Variants in PFDN1 observed in about 807,000 individuals in gnomAD.
The protein encoded by PFDN1 is prefoldin subunit 1.
In PFDN1, 6 loss-of-function variants were observed where a neutral mutation model predicts 17.3. The ratio of observed to expected loss-of-function variants is 0.35; its 90% CI spans 0.19 to 0.69. The LOEUF (loss-of-function observed/expected upper bound fraction) is 0.69. Among genes scored for constraint, PFDN1 ranks in the 30% least tolerant of loss-of-function variants. The pLI, the probability that PFDN1 is intolerant of heterozygous loss-of-function variation, is 0.65. For missense variants in PFDN1, 113 were observed against 146.2 expected (o/e 0.77, Z 1.17); for synonymous variants, 58 against 50.1 (o/e 1.16, Z -0.67).
At position 140,245,137 on chromosome 5, in the gene PFDN1, G is replaced by A. The variant is rs886070946; in HGVS notation, c.*837C>T. The A allele has an allele frequency of 3.9e-6, 1 of 259,428 alleles. No homozygotes were observed. Among genetic ancestry groups the A allele is most frequent in the African/African-American group, 2.2e-5 (1 of 44,970 alleles). The allele number at this position is 259,428 out of a possible 1,614,324, so 16.1% of individuals were successfully genotyped here. ...TTTGCAAATTTACATAATTATAATG[G>A]CTGTGTTTGACAACTGGCTTGCAAC... On this transcript the variant is annotated 3_prime_UTR_variant, in exon 4 of 4. Transcript: ENST00000261813.
chr5:140,274,056 C>T (rs1252901619), intron 3 of PFDN1: 2 of 177,724 alleles, frequency 1.1e-5, no homozygotes, highest in Admixed American at 1.3e-4. Flanking sequence ...GAGCTCATCT[C>T]TAGATCATCT....
intron 3 of PFDN1, among the ~76,000 whole-genome samples, chr5:140,278,563 A>G (rs1765337771): frequency 7.1e-6 from 1 of 141,208 alleles, no homozygotes; most frequent in Admixed American, 6.9e-5. Context: ...GTCTCAAAAA[A>G]AAAAAAAAAA....
chr5:140,299,880 C>T (rs1387483398), intron 2 of PFDN1, among the ~76,000 whole-genome samples: 1 of 151,840 alleles, frequency 6.6e-6, no homozygotes, highest in African/African-American at 2.4e-5. Context: ...GGCGTGGTGG[C>T]AAGCGCCCGT....
rs1056994116 is a variant in PFDN1, at chr5:140,245,523, C to T, written c.*451G>A. ...AAAGAGAAGAGGGCAAGGCCCATCC[C>T]CCAAGAAAGGAAGGGCTCTGATGCA... On this transcript the variant is annotated 3_prime_UTR_variant, in exon 4 of 4. Coordinates refer to ENST00000261813, the MANE Select transcript of PFDN1 (RefSeq NM_002622.5). 1.4e-6 allele frequency: 1 copy of T among 702,608 alleles called. No individual in the cohort carries two copies. The allele number at this position is 702,608 out of a possible 1,614,324, so 43.5% of individuals were successfully genotyped here.
intron 1 of PFDN1, among the ~76,000 whole-genome samples, chr5:140,302,258 G>A (rs976928880): frequency 3.3e-5 from 5 of 152,118 alleles, no homozygotes; most frequent in Non-Finnish European, 7.4e-5. Context: ...AAATTCTAGG[G>A]TCCTTTCCAA....
chr5:140,256,626 T>A (rs2126680098), intron 3 of PFDN1, among the ~76,000 whole-genome samples: 1 of 105,620 alleles, frequency 9.5e-6, no homozygotes, highest in South Asian at 3.6e-4. Context: ...ATGGCACTCA[T>A]CCAACTGCTC....
chr5:140,281,313 G>T, intron 3 of PFDN1, 136 bp downstream of exon 3: 3 of 572,734 alleles, frequency 5.2e-6, no homozygotes, highest in Non-Finnish European at 3.1e-6. Flanking sequence ...ACAGCTTCAC[G>T]GCTCCAACGT....
At chr5:140,273,030 A>G (rs1049147913) in intron 3 of PFDN1, among the ~76,000 whole-genome samples, 1 of 152,064 alleles carries the variant, frequency 6.6e-6, no homozygotes, top group Non-Finnish European at 1.5e-5. Context: ...TTCTTCATTG[A>G]AAAACAGAGG....
At chr5:140,284,452 A>C (rs1417922784) in intron 2 of PFDN1, among the ~76,000 whole-genome samples, 1 of 152,250 alleles carries the variant, frequency 6.6e-6, no homozygotes, top group Admixed American at 6.5e-5. Context: ...TTCTGAAAAA[A>C]AGTCTTTGGA....
At chr5:140,257,640 A>G (rs1350691393) in intron 3 of PFDN1, among the ~76,000 whole-genome samples, 2 of 152,168 alleles carry the variant, frequency 1.3e-5, no homozygotes, top group African/African-American at 4.8e-5. Flanking sequence ...ATCTCAGTGT[A>G]AGCTCCAAAG....
At chr5:140,290,492 G>A (rs939746659) in intron 2 of PFDN1, among the ~76,000 whole-genome samples, 1 of 152,186 alleles carries the variant, frequency 6.6e-6, no homozygotes, top group Non-Finnish European at 1.5e-5. Flanking sequence ...GGCCCCTGAG[G>A]AGGCCTGACC....
chr5:140,259,919 G>A (rs1470384952), intron 3 of PFDN1, among the ~76,000 whole-genome samples: 1 of 152,168 alleles, frequency 6.6e-6, no homozygotes, highest in Non-Finnish European at 1.5e-5. Flanking sequence ...ATTTGTACAG[G>A]TGTTTCTTCA....
intron 3 of PFDN1, among the ~76,000 whole-genome samples, chr5:140,246,886 C>T (rs1240898177): frequency 1.3e-5 from 2 of 152,110 alleles, no homozygotes; most frequent in Admixed American, 6.6e-5. Context: ...ATGAAGCCTC[C>T]GTTTTAGAGG....
chr5:140,299,376 G>A (rs112953304), intron 2 of PFDN1, among the ~76,000 whole-genome samples: 3 of 152,250 alleles, frequency 2.0e-5, no homozygotes, highest in East Asian at 1.9e-4. Context: ...AGGCCAAGGC[G>A]GGCGGATCAA....
chr5:140,250,937 CTTT>C (rs1764903617), intron 3 of PFDN1, among the ~76,000 whole-genome samples: 1 of 152,028 alleles, frequency 6.6e-6, no homozygotes, highest in Non-Finnish European at 1.5e-5. Flanking sequence ...ACATTATATT[CTTT>C]TTATTTTTTT....
intron 3 of PFDN1, among the ~76,000 whole-genome samples, chr5:140,277,162 G>A (rs901506057): frequency 6.6e-6 from 1 of 151,676 alleles, no homozygotes; most frequent in Non-Finnish European, 1.5e-5. Context: ...GGAGGTGGAG[G>A]TTGCAGTGAG....
In PFDN1 at chr5:140,300,407, T is replaced by G; in HGVS notation, c.200+9A>C. 6.3e-7 allele frequency: 1 copy of G among 1,579,038 alleles called. No individual in the cohort carries two copies. Among genetic ancestry groups the G allele is most frequent in the Non-Finnish European group, 8.7e-7 (1 of 1,153,928 alleles). ...CAAAATAACTCCATTAAGGACACAT[T>G]TTACTTACATTCTTCCTACACCTTC... On this transcript the variant is annotated intron_variant, in intron 2 of 3. Transcript: ENST00000261813.
intron 3 of PFDN1, chr5:140,262,609 A>C (rs1371831014): frequency 2.2e-6 from 1 of 454,652 alleles, no homozygotes; most frequent in Non-Finnish European, 4.4e-6. Context: ...GAAAAAAACA[A>C]GTTGTTGAAA....
At chr5:140,286,337 A>G (rs1156373408) in intron 2 of PFDN1, among the ~76,000 whole-genome samples, 2 of 147,728 alleles carry the variant, frequency 1.4e-5, no homozygotes, top group South Asian at 2.2e-4. Context: ...ACTTGAACCC[A>G]TGAGACGGAG....
Sources: allele counts gnomAD v4.1 joint callset (sites outside exome capture counted in the v4.1 genomes callset), GRCh38; gene constraint gnomAD v4.1.1; transcripts MANE v1.5; gene names NCBI Gene and HGNC (gene_info 2026-07-23, HGNC 2026-07-21).